The following HPS3 variants were observed in gnomAD, a reference collection of about 807,000 sequenced individuals.
HPS3 encodes the protein HPS3 biogenesis of lysosomal organelles complex 2 subunit 1, also known as BLOC-2 complex member HPS3.
A neutral mutation model predicts 110.9 loss-of-function variants in HPS3; 79 were observed. The ratio of observed to expected loss-of-function variants is 0.71; its 90% confidence interval spans 0.59 to 0.86. The LOEUF (loss-of-function observed/expected upper bound fraction) is 0.86, where lower values mean the gene tolerates loss of function less well. Ranked by LOEUF, HPS3 falls within the 40% of genes least tolerant of loss-of-function variation. The pLI is 0.00. For missense variants in HPS3, 1,197 were observed against 1,206.2 expected, an observed-to-expected ratio of 0.99 and a Z score of 0.11; for synonymous variants, 428 against 451.0, an observed-to-expected ratio of 0.95 and a Z score of 0.65.
chr3:149,132,707 C>G (rs1377873249), intron 1 of HPS3, among the ~76,000 whole-genome samples: 1 of 152,212 alleles, frequency 6.6e-6, no homozygotes, highest in Admixed American at 6.5e-5. Context: ...AAGGCTATAA[C>G]TGCCACAGAT....
At chr3:149,154,103 A>G (rs890430913) in intron 7 of HPS3, 1 of 160,070 alleles carries the variant, frequency 6.2e-6, no homozygotes, top group African/African-American at 2.4e-5. Flanking sequence ...ATATGTGCTC[A>G]TGTATCTGAA....
At chr3:149,141,409 G>C (rs1722445495) in intron 4 of HPS3, 29 bp downstream of exon 4, 1 of 1,546,194 alleles carries the variant, frequency 6.5e-7, no homozygotes, top group Non-Finnish European at 8.9e-7. Context: ...GAGTGCGACA[G>C]TGCAGCAAGG....
chr3:149,135,800 C>A (rs1269220080), intron 1 of HPS3, among the ~76,000 whole-genome samples: 1 of 151,966 alleles, frequency 6.6e-6, no homozygotes, highest in Non-Finnish European at 1.5e-5. Flanking sequence ...ATGGAGGATG[C>A]AGACCACAAG....
intron 16 of HPS3, among the ~76,000 whole-genome samples, chr3:149,170,009 T>C (rs531829337): frequency 1.2e-4 from 18 of 152,316 alleles, no homozygotes; most frequent in Non-Finnish European, 2.2e-4. Flanking sequence ...AACCTTCTCT[T>C]AGCCTCAATT....
At chr3:149,153,100 CCCCCAACCAT>C in intron 6 of HPS3, among the ~76,000 whole-genome samples, 1 of 152,204 alleles carries the variant, frequency 6.6e-6, no homozygotes, top group Non-Finnish European at 1.5e-5. Context: ...TTTGGGCGTA[CCCCCAACCAT>C]CCTGCTAGTT....
At chr3:149,140,957 G>A in intron 2 of HPS3, 60 bp from the exon 3 acceptor site, 1 of 1,421,812 alleles carries the variant, frequency 7.0e-7, no homozygotes, top group Non-Finnish European at 9.9e-7. Flanking sequence ...TAATTGGTGA[G>A]AGGATGTTGT....
In HPS3 at chr3:149,140,487, G is replaced by C. The variant is rs748904322; in HGVS notation, c.701G>C (p.Arg234Pro). Reference protein sequence around the residue: ...HPHKTNNRIRRTEEGISNEIS... With the variant: ...HPHKTNNRIRPTEEGISNEIS... ...CATAAGACCAACAATCGAATAAGAC[G>C]GACAGAAGAAGGTAAATAATGAATT... The change falls in exon 2 of 17, where the codon CGG becomes CCG. Residue 234 changes from arginine (R) to proline (P), a missense_variant. Physicochemically the swap from Arg to Pro is moderately radical, Grantham distance 103. Coordinates refer to ENST00000296051, the MANE Select transcript of HPS3 (RefSeq NM_032383.5). The C allele has an allele frequency of 6.2e-7, 1 of 1,613,996 alleles. No homozygotes were observed. Among genetic ancestry groups the C allele is most frequent in the Non-Finnish European group, 8.5e-7 (1 of 1,179,958 alleles).
At chr3:149,168,275 G>A (rs1376651397) in intron 16 of HPS3, 2 of 338,868 alleles carry the variant, frequency 5.9e-6, no homozygotes, top group Non-Finnish European at 1.1e-5. Flanking sequence ...AGTCATTAAG[G>A]CAATTACATC....
chr3:149,145,626 T>C, intron 5 of HPS3, 80 bp downstream of exon 5: 1 of 1,069,620 alleles, frequency 9.3e-7, no homozygotes, highest in Non-Finnish European at 1.5e-6. Flanking sequence ...CTGTGAGAAT[T>C]GTGTGAACTA....
At chr3:149,168,128 G>T in intron 16 of HPS3, 145 bp downstream of exon 16, 2 of 641,086 alleles carry the variant, frequency 3.1e-6, no homozygotes, top group Non-Finnish European at 5.7e-6. Flanking sequence ...CAGCATTCAC[G>T]TACCCTCCCC....
intron 11 of HPS3, among the ~76,000 whole-genome samples, chr3:149,161,520 T>C (rs992623501): frequency 1.4e-5 from 2 of 147,886 alleles, no homozygotes; most frequent in Non-Finnish European, 3.0e-5. Flanking sequence ...TTTTTTTTTT[T>C]TTTTTTTTTT....
intron 16 of HPS3, among the ~76,000 whole-genome samples, chr3:149,169,735 T>C (rs1257076472): frequency 6.6e-6 from 1 of 152,220 alleles, no homozygotes; most frequent in Non-Finnish European, 1.5e-5. Context: ...GGTTAGTGGA[T>C]GGGTTGGTTG....
chr3:149,144,970 C>G (rs1446781952), intron 4 of HPS3, among the ~76,000 whole-genome samples: 1 of 152,106 alleles, frequency 6.6e-6, no homozygotes, highest in African/African-American at 2.4e-5. Flanking sequence ...TACTAGAAAT[C>G]TAGTAATTGC....
chr3:149,130,051 C>G (rs999775697), intron 1 of HPS3, 111 bp downstream of exon 1: 5 of 1,019,230 alleles, frequency 4.9e-6, no homozygotes, highest in South Asian at 1.4e-5. Context: ...TTCTTGCTTC[C>G]CGGAATTTGC....
Position 149,158,786 on chromosome 3 carries a change from A to C in HPS3, c.1812A>C (p.Arg604Ser), listed in dbSNP as rs1489900687. 3.7e-6 allele frequency: 6 copies of C among 1,610,280 alleles called. No individual in the cohort carries two copies. The highest frequency in any genetic ancestry group is 5.1e-6 in the Non-Finnish European group (6 of 1,176,612). ...AGGATGGATTACAGAAATACGAGAG[A>C]GGATTAATCTTTTACATTAATCATT... ...TVEDGLQKYERGLIFYINHSL... is the reference protein window; with the variant it reads ...TVEDGLQKYESGLIFYINHSL... Residue 604 changes from arginine to serine, a missense_variant, in exon 10 of 17, where the codon AGA becomes AGC. Coordinates refer to ENST00000296051, the MANE Select transcript of HPS3 (RefSeq NM_032383.5).
intron 14 of HPS3, among the ~76,000 whole-genome samples, chr3:149,164,526 G>T (rs979229641): frequency 6.6e-6 from 1 of 152,180 alleles, no homozygotes; most frequent in South Asian, 2.1e-4. Flanking sequence ...ATCAGGCTGG[G>T]CCACATGAGC....
rs1218103980 is a variant in HPS3 at position 149,140,032 on chromosome 3, A to G, written c.246A>G (p.Lys82=). The change falls in exon 2 of 17, where the codon AAA becomes AAG. Residue 82 remains lysine, a synonymous_variant. Coordinates refer to ENST00000296051, the MANE Select transcript of HPS3 (RefSeq NM_032383.5). ...AGDYLVAIEE[K]NKATFLRAYV... ...ATTATTTGGTAGCAATTGAAGAGAA[A>G]AACAAAGCTACATTTCTACGTGCTT... 6.2e-7 allele frequency: 1 copy of G among 1,613,358 alleles called. No individual in the cohort carries two copies. The highest frequency in any genetic ancestry group is 1.7e-5 in the Admixed American group (1 of 59,890).
intron 1 of HPS3, among the ~76,000 whole-genome samples, chr3:149,135,156 TA>T (rs566703524): frequency 9.2e-5 from 14 of 152,206 alleles, no homozygotes; most frequent in Middle Eastern, 3.4e-3. Context: ...ATTTTCAGGT[TA>T]AAAAAAATCT....
intron 14 of HPS3, among the ~76,000 whole-genome samples, chr3:149,164,165 T>A (rs1724181512): frequency 6.6e-6 from 1 of 152,158 alleles, no homozygotes; most frequent in African/African-American, 2.4e-5. Flanking sequence ...CTGGTTTTGT[T>A]GTAGGTGGAT....
Sources: gnomAD v4.1 joint callset for allele counts (sites outside exome capture counted in the v4.1 genomes callset) on GRCh38, gnomAD v4.1.1 for gene constraint, MANE v1.5 for transcripts, NCBI Gene and HGNC (gene_info 2026-07-23, HGNC 2026-07-21) for gene names.